PLD1: variants seen among roughly 807,000 people sequenced by gnomAD.
The protein encoded by PLD1 is phospholipase D1.
A neutral mutation model predicts 137.1 loss-of-function variants in PLD1; 112 were observed. The ratio of observed to expected loss-of-function variants is 0.82; its 90% CI spans 0.70 to 0.96. PLD1 has a LOEUF of 0.96. PLD1 is among the 40% of genes least tolerant of loss of function. PLD1 has a pLI of 0.00. For synonymous variants in PLD1, 431 were observed against 454.7 expected, an observed-to-expected ratio of 0.95 and a Z score of 0.66; for missense variants, 1,321 against 1,342.0, an observed-to-expected ratio of 0.98 and a Z score of 0.24.
chr3:171,753,829 C>T (rs138256419), intron 1 of PLD1, among the ~76,000 whole-genome samples: 2 of 152,260 alleles, frequency 1.3e-5, no homozygotes, highest in Middle Eastern at 3.4e-3. Context: ...TCCCTTCTAC[C>T]GCTTCTCTCT....
intron 23 of PLD1, among the ~76,000 whole-genome samples, chr3:171,630,150 C>T (rs1216703747): frequency 6.7e-6 from 1 of 149,564 alleles, no homozygotes; most frequent in East Asian, 2.0e-4. Context: ...CTACAATGAA[C>T]TCAAACAAAT....
chr3:171,763,826 CTTT>C (rs1721609092), intron 1 of PLD1, among the ~76,000 whole-genome samples: 1 of 110,314 alleles, frequency 9.1e-6, no homozygotes, highest in African/African-American at 3.4e-5. Flanking sequence ...TATTTTCTTT[CTTT>C]CTTTTTTTTT....
chr3:171,687,314 T>C lies in PLD1; in HGVS notation c.1753+57A>G, dbSNP rs1714665807. 25 of 1,395,036 alleles carry C rather than the reference T, an allele frequency of 1.8e-5. No homozygotes were observed. The South Asian group carries it at 2.8e-4, about 15-fold the overall frequency. 86.4% of individuals were successfully genotyped at this position (1,395,036 alleles called of 1,614,324 possible). ...ATTTTAAAAACAGGTATGTAGTGTC[T>C]GGCTATGGAAGAACAGTGGGTAGTT... is the stretch of plus-strand genomic sequence containing the variant. On this transcript the variant is annotated intron_variant, in intron 15 of 26. Transcript: ENST00000351298.
At chr3:171,698,744 G>A (rs894397782) in intron 12 of PLD1, among the ~76,000 whole-genome samples, 2 of 151,398 alleles carry the variant, frequency 1.3e-5, no homozygotes, top group Non-Finnish European at 2.9e-5. Context: ...GATCACCTGA[G>A]GTCAGGAGTT....
intron 6 of PLD1, among the ~76,000 whole-genome samples, chr3:171,731,347 G>A (rs1718933226): frequency 6.6e-6 from 1 of 152,114 alleles, no homozygotes; most frequent in Non-Finnish European, 1.5e-5. Flanking sequence ...ATGAGGCAGA[G>A]GTCTACAGAT....
At chr3:171,775,873 T>C (rs1326762541) in intron 1 of PLD1, among the ~76,000 whole-genome samples, 1 of 151,654 alleles carries the variant, frequency 6.6e-6, no homozygotes, top group Admixed American at 6.6e-5. Flanking sequence ...ATTAATTAAT[T>C]AATTAAAATA....
chr3:171,737,390 CT>C (rs1719440276), intron 3 of PLD1, 141 bp downstream of exon 3: 5 of 667,650 alleles, frequency 7.5e-6, no homozygotes, highest in Non-Finnish European at 1.2e-5. Flanking sequence ...GTGAAAATGA[CT>C]TGGAAATGAT....
intron 1 of PLD1, among the ~76,000 whole-genome samples, chr3:171,764,766 T>C (rs1372317924): frequency 6.7e-6 from 1 of 149,532 alleles, no homozygotes; most frequent in Non-Finnish European, 1.5e-5. Flanking sequence ...GATTCTCACA[T>C]ATTGCATGAT....
chr3:171,693,523 C>A (rs1715402753), intron 12 of PLD1, among the ~76,000 whole-genome samples: 1 of 152,006 alleles, frequency 6.6e-6, no homozygotes, highest in Admixed American at 6.6e-5. Context: ...CTCCAGGAAA[C>A]TGTGGCTTAT....
At chr3:171,644,267 T>TCC (rs1282161380) in intron 22 of PLD1, among the ~76,000 whole-genome samples, 2 of 152,112 alleles carry the variant, frequency 1.3e-5, no homozygotes, top group Non-Finnish European at 2.9e-5. Flanking sequence ...TAGCCTGTGC[T>TCC]CCCCCAACCC....
intron 1 of PLD1, among the ~76,000 whole-genome samples, chr3:171,773,641 A>C (rs1314820008): frequency 6.6e-6 from 1 of 152,014 alleles, no homozygotes; most frequent in Non-Finnish European, 1.5e-5. Flanking sequence ...TAAAATGAAT[A>C]AGGATAGCTA....
chr3:171,804,342 GA>G (rs1723760331), intron 1 of PLD1, among the ~76,000 whole-genome samples: 1 of 152,156 alleles, frequency 6.6e-6, no homozygotes, highest in African/African-American at 2.4e-5. Context: ...TTATTTTTAA[GA>G]ATAGTTAAAT....
rs1192063215 is a variant in PLD1, at chr3:171,602,774, T to C, written c.*304A>G. On this transcript the variant is annotated 3_prime_UTR_variant, in exon 27 of 27. Transcript: ENST00000351298. ...CTAGATCACAGTTACTGGTAAATTC[T>C]TGTTACAAAGGAAATGGATTTTGGT... 6.1e-6 allele frequency: 2 copies of C among 327,912 alleles called. No homozygotes were observed. The highest frequency in any genetic ancestry group is 5.9e-5 in the East Asian group (1 of 16,822). 20.3% of individuals were successfully genotyped at this position (327,912 alleles called of 1,614,324 possible). A position where few individuals can be genotyped will look rare whatever the true frequency, so the allele number is the denominator to read the frequency against.
chr3:171,676,403 C>T (rs979423905), intron 18 of PLD1, among the ~76,000 whole-genome samples: 1 of 152,128 alleles, frequency 6.6e-6, no homozygotes, highest in Admixed American at 6.5e-5. Context: ...CTGCAAATGA[C>T]TACCGAGCCC....
rs34683994 is a variant in PLD1 at position 171,770,888 on chromosome 3, CAAAAAAA to C, written c.-31-32813_-31-32807del. On this transcript the variant is annotated intron_variant, in intron 1 of 26. Transcript: ENST00000351298. ...TTGGTGACAGAGCAAAACCCTATCT[CAAAAAAA>C]AAAAAAAAAAAAAAAAGGGGGCGGG... 1.2e-3 allele frequency among the ~76,000 whole-genome samples: 48 copies of C among 40,874 alleles called. 1 individual carries two copies. The highest frequency in any genetic ancestry group is 3.2e-3 in the African/African-American group (40 of 12,598). The allele number at this position is 40,874 out of a possible 152,430, so 26.8% of individuals were successfully genotyped here.
At chr3:171,644,830 G>T (rs1198698490) in intron 22 of PLD1, 80 bp downstream of exon 22, 15 of 841,828 alleles carry the variant, frequency 1.8e-5, no homozygotes, top group Non-Finnish European at 2.7e-5. Context: ...AATGGATGTG[G>T]AGAAACACTG....
intron 20 of PLD1, among the ~76,000 whole-genome samples, chr3:171,659,935 A>G (rs1052227300): frequency 2.0e-5 from 3 of 152,232 alleles, no homozygotes; most frequent in Non-Finnish European, 4.4e-5. Context: ...TGCTATTTAT[A>G]TATCTACAAA....
intron 1 of PLD1, among the ~76,000 whole-genome samples, chr3:171,741,995 T>C (rs1256596486): frequency 7.2e-6 from 1 of 138,902 alleles, no homozygotes; most frequent in Non-Finnish European, 1.7e-5. Flanking sequence ...AATATCATGA[T>C]CTCATTTAAT....
chr3:171,713,882 GA>G lies in PLD1; in HGVS notation c.911+10del, dbSNP rs765742346. 11 of 1,595,738 alleles carry G rather than the reference GA, an allele frequency of 6.9e-6. No individual in the cohort carries two copies. The highest frequency in any genetic ancestry group is 9.4e-6 in the Non-Finnish European group (11 of 1,169,062). On this transcript the variant is annotated intron_variant, in intron 9 of 26. Coordinates refer to ENST00000351298, the MANE Select transcript of PLD1 (RefSeq NM_002662.5). ...TTGTAGAAATCTTTTTTAAATATTT[GA>G]AATGTGTACCTTGAAAGATTATCAA... is the stretch of plus-strand genomic sequence containing the variant.
Sources: allele counts gnomAD v4.1 joint callset (sites outside exome capture counted in the v4.1 genomes callset), GRCh38; gene constraint gnomAD v4.1.1; transcripts MANE v1.5; gene names NCBI Gene and HGNC (gene_info 2026-07-23, HGNC 2026-07-21).